The following SLC16A12 variants were observed in gnomAD, a reference collection of about 807,000 sequenced individuals.
The protein encoded by SLC16A12 is solute carrier family 16 member 12, also known as monocarboxylate transporter 12.
A neutral mutation model predicts 42.4 loss-of-function variants in SLC16A12; 17 were observed. That is an observed-to-expected ratio of 0.40 (90% CI 0.27 to 0.60). SLC16A12 has a LOEUF of 0.60. Ranked by LOEUF, SLC16A12 falls within the 20% of genes least tolerant of loss-of-function variation. SLC16A12 has a pLI of 0.42. For missense variants in SLC16A12, 544 were observed against 623.0 expected (o/e 0.87, Z 1.35); for synonymous variants, 224 against 229.4 (o/e 0.98, Z 0.21).
chr10:89,539,326 C>T (rs767085465), upstream of SLC16A12, among the ~76,000 whole-genome samples: 6 of 152,150 alleles, frequency 3.9e-5, no homozygotes, highest in Non-Finnish European at 8.8e-5. Context: ...TAACTTTCTC[C>T]CTTCCTCTTC....
chr10:89,517,198 G>A (rs1441924757), intron 2 of SLC16A12, among the ~76,000 whole-genome samples: 4 of 152,144 alleles, frequency 2.6e-5, no homozygotes, highest in African/African-American at 4.8e-5. Flanking sequence ...GTACTCCAGC[G>A]TGGGTGACAA....
In SLC16A12 at chr10:89,534,633, T is replaced by C. The variant is rs1457914893; in HGVS notation, c.-179A>G. The C allele has an allele frequency of 2.0e-5, 2 of 101,144 alleles. No individual in the cohort carries two copies. The highest frequency in any genetic ancestry group is 3.9e-5 in the African/African-American group (1 of 25,342). The allele number at this position is 101,144 out of a possible 1,614,324, so 6.3% of individuals were successfully genotyped here. A position where few individuals can be genotyped will look rare whatever the true frequency, so the allele number is the denominator to read the frequency against. On this transcript the variant is annotated 5_prime_UTR_variant, in exon 2 of 8. Transcript: ENST00000371790. The stretch of plus-strand genomic sequence containing the variant: ...GAGCAAACCGGCCAATATGTCGAAA[T>C]CCTGTATCTGCAAAAAAAAAAAAAA...
chr10:89,430,400 T>C lies in SLC16A12; in HGVS notation c.*2664A>G, dbSNP rs998519697. 2.0e-5 allele frequency: 5 copies of C among 248,238 alleles called. No individual in the cohort carries two copies. Among genetic ancestry groups the C allele is most frequent in the African/African-American group, 9.5e-5 (4 of 42,322 alleles). The allele number at this position is 248,238 out of a possible 1,614,324, so 15.4% of individuals were successfully genotyped here. A position where few individuals can be genotyped will look rare whatever the true frequency, so the allele number is the denominator to read the frequency against. On this transcript the variant is annotated 3_prime_UTR_variant, in exon 8 of 8. Transcript: ENST00000371790. ...ATTACAATCTGAACAAAAAGCCCAA[T>C]CATACAGTGTATCTACAAAGTTAGA...
chr10:89,540,366 T>C (rs938174761), upstream of SLC16A12, among the ~76,000 whole-genome samples: 5 of 152,200 alleles, frequency 3.3e-5, no homozygotes, highest in Admixed American at 6.5e-5. Flanking sequence ...CCCAAAGTGC[T>C]GGGACCACAG....
At chr10:89,548,136 A>G (rs1169534548) in intron 2 of SLC16A12, among the ~76,000 whole-genome samples, 1 of 152,176 alleles carries the variant, frequency 6.6e-6, no homozygotes, top group African/African-American at 2.4e-5. Context: ...TAATACTTGC[A>G]GTGGAAAAGT....
Position 89,432,783 on chromosome 10 carries a change from A to T in SLC16A12, c.*281T>A, listed in dbSNP as rs1841713252. 1 of 361,324 alleles carries T rather than the reference A, an allele frequency of 2.8e-6. No homozygotes were observed. The highest frequency in any genetic ancestry group is 5.1e-6 in the Non-Finnish European group (1 of 196,082). The allele number at this position is 361,324 out of a possible 1,614,324, so 22.4% of individuals were successfully genotyped here. ...AAATTATCCCTAATTACAGCTAATT[A>T]TATCAGCTGTGTCCTTACATTTCTT... is the stretch of plus-strand genomic sequence containing the variant. On this transcript the variant is annotated 3_prime_UTR_variant, in exon 8 of 8. Coordinates refer to ENST00000371790, the MANE Select transcript of SLC16A12 (RefSeq NM_213606.4).
chr10:89,514,564 G>A (rs56031647), intron 2 of SLC16A12, among the ~76,000 whole-genome samples: 131 of 152,238 alleles, frequency 8.6e-4, no homozygotes, highest in Non-Finnish European at 1.6e-3. Flanking sequence ...TGTATGGGGA[G>A]AGACAGATTT....
upstream of SLC16A12, among the ~76,000 whole-genome samples, chr10:89,538,335 A>G (rs1843693442): frequency 6.6e-6 from 1 of 152,250 alleles, no homozygotes; most frequent in Non-Finnish European, 1.5e-5. Context: ...GCTATAAAAT[A>G]TGGCTATTTA....
chr10:89,458,862 T>A (rs947706595), intron 3 of SLC16A12, among the ~76,000 whole-genome samples: 2 of 152,178 alleles, frequency 1.3e-5, no homozygotes, highest in African/African-American at 2.4e-5. Context: ...TAAATTGCAA[T>A]GTGGGGTGAG....
At chr10:89,483,993 A>C (rs1842710695) in intron 2 of SLC16A12, among the ~76,000 whole-genome samples, 1 of 152,116 alleles carries the variant, frequency 6.6e-6, no homozygotes, top group African/African-American at 2.4e-5. Context: ...TCATGTTACT[A>C]AGTCTCAGAA....
chr10:89,465,439 T>G (rs140261336), intron 2 of SLC16A12, among the ~76,000 whole-genome samples: 2 of 152,334 alleles, frequency 1.3e-5, no homozygotes, highest in African/African-American at 4.8e-5. Flanking sequence ...TGAAACATTC[T>G]TGTAGGTCAC....
At chr10:89,535,796 C>T (rs1843649155), upstream of SLC16A12, among the ~76,000 whole-genome samples, 1 of 152,134 alleles carries the variant, frequency 6.6e-6, no homozygotes, top group East Asian at 1.9e-4. Flanking sequence ...GCTGCGCGAT[C>T]CGCGCTTCGG....
At chr10:89,486,668 GAAA>G (rs1589698724) in intron 2 of SLC16A12, among the ~76,000 whole-genome samples, 1 of 58,452 alleles carries the variant, frequency 1.7e-5, no homozygotes, top group East Asian at 4.5e-4. Context: ...AGAAAGAAAA[GAAA>G]GAAAGAAAGA....
chr10:89,491,509 GTT>G (rs201689489), intron 2 of SLC16A12, among the ~76,000 whole-genome samples: 1 of 146,164 alleles, frequency 6.8e-6, no homozygotes, highest in Non-Finnish European at 1.5e-5. Context: ...CCCTAGAGGA[GTT>G]TTTTTTTTTT....
intron 2 of SLC16A12, among the ~76,000 whole-genome samples, chr10:89,530,578 C>G (rs548067872): frequency 1.3e-5 from 2 of 152,032 alleles, no homozygotes; most frequent in African/African-American, 2.4e-5. Flanking sequence ...CCACCACGCC[C>G]GGCTAATTTT....
chr10:89,543,561 GCTCATAC>G (rs1843727810), intron 2 of SLC16A12, among the ~76,000 whole-genome samples: 1 of 152,154 alleles, frequency 6.6e-6, no homozygotes, highest in Non-Finnish European at 1.5e-5. Flanking sequence ...GGGTGCAGTG[GCTCATAC>G]CTGTAAACCC....
intron 4 of SLC16A12, among the ~76,000 whole-genome samples, chr10:89,443,306 G>T (rs1841944727): frequency 6.6e-6 from 1 of 152,218 alleles, no homozygotes; most frequent in African/African-American, 2.4e-5. Flanking sequence ...CAAGACTTGA[G>T]ATGTGATACA....
At position 89,486,603 on chromosome 10, in the gene SLC16A12, A is replaced by AAAGAAAGAAAG. The variant is rs762588312; in HGVS notation, c.-46-23980_-46-23979insCTTTCTTTCTT. Among the ~76,000 whole-genome samples, 135 of 70,382 alleles carry AAAGAAAGAAAG rather than the reference A, an allele frequency of 1.9e-3. 1 individual carries two copies. Among genetic ancestry groups the AAAGAAAGAAAG allele is most frequent in the Non-Finnish European group, 2.4e-3 (86 of 35,190 alleles). 46.2% of individuals were successfully genotyped at this position (70,382 alleles called of 152,430 possible). ...TGAAACCTTGTCTCAAAAAAAAAAA[A>AAAGAAAGAAAG]AAAGAAAGAAAGAAAGAAAGAAAGA... On this transcript the variant is annotated intron_variant, in intron 2 of 7. Transcript: ENST00000371790.
intron 2 of SLC16A12, among the ~76,000 whole-genome samples, chr10:89,527,162 A>C (rs1416084182): frequency 6.6e-6 from 1 of 152,184 alleles, no homozygotes; most frequent in Non-Finnish European, 1.5e-5. Flanking sequence ...CATGAGCATT[A>C]AAACCAAATA....
Sources: gnomAD v4.1 joint callset for allele counts (sites outside exome capture counted in the v4.1 genomes callset) on GRCh38, gnomAD v4.1.1 for gene constraint, MANE v1.5 for transcripts, NCBI Gene and HGNC (gene_info 2026-07-23, HGNC 2026-07-21) for gene names.